The following CUX2 variants were observed in gnomAD, a reference collection of about 807,000 sequenced individuals.
CUX2 encodes cut like homeobox 2.
A neutral mutation model predicts 144.8 loss-of-function variants in CUX2; 40 were observed. The ratio of observed to expected loss-of-function variants is 0.28; its 90% confidence interval spans 0.21 to 0.36. The LOEUF is 0.36. Ranked by LOEUF, CUX2 falls within the 10% of genes least tolerant of loss-of-function variation. CUX2 has a pLI of 1.00. For missense variants in CUX2, 1,615 were observed against 1,994.0 expected, an observed-to-expected ratio of 0.81 and a Z score of 3.62; for synonymous variants, 827 against 875.6, an observed-to-expected ratio of 0.94 and a Z score of 0.98.
intron 1 of CUX2, among the ~76,000 whole-genome samples, chr12:111,165,794 T>C (rs907703229): frequency 6.6e-6 from 1 of 152,200 alleles, no homozygotes; most frequent in Non-Finnish European, 1.5e-5. Flanking sequence ...ATGTACACCA[T>C]GGAAATGGTA....
intron 1 of CUX2, among the ~76,000 whole-genome samples, chr12:111,075,088 C>T (rs1871453319): frequency 1.3e-5 from 2 of 151,946 alleles, no homozygotes; most frequent in Non-Finnish European, 1.5e-5. Context: ...CAGCCACCAC[C>T]CCCACCCCCC....
At chr12:111,183,539 A>G (rs1353375349) in intron 1 of CUX2, among the ~76,000 whole-genome samples, 2 of 152,234 alleles carry the variant, frequency 1.3e-5, no homozygotes, top group African/African-American at 2.4e-5. Context: ...TCGAGCCAGG[A>G]TAGCATGGGG....
intron 1 of CUX2, among the ~76,000 whole-genome samples, chr12:111,174,353 C>T (rs1263336111): frequency 2.0e-5 from 3 of 152,190 alleles, no homozygotes; most frequent in African/African-American, 7.2e-5. Flanking sequence ...TCCTGCTTTC[C>T]AGGAAGTTTT....
chr12:111,165,466 T>C (rs1314593735), intron 1 of CUX2, among the ~76,000 whole-genome samples: 1 of 152,208 alleles, frequency 6.6e-6, no homozygotes, highest in Admixed American at 6.5e-5. Flanking sequence ...AGACGGTCAG[T>C]GTTATTGTCT....
intron 1 of CUX2, among the ~76,000 whole-genome samples, chr12:111,063,547 A>G (rs1870885233): frequency 6.6e-6 from 1 of 152,180 alleles, no homozygotes; most frequent in Admixed American, 6.5e-5. Flanking sequence ...GGTTGGCCTC[A>G]TGGGGCCTGC....
At chr12:111,069,227 T>C (rs1871150224) in intron 1 of CUX2, among the ~76,000 whole-genome samples, 1 of 152,062 alleles carries the variant, frequency 6.6e-6, no homozygotes, top group Non-Finnish European at 1.5e-5. Flanking sequence ...TATGGGAAAA[T>C]TACTTCCTTA....
chr12:111,071,192 T>G (rs1207987502), intron 1 of CUX2, among the ~76,000 whole-genome samples: 1 of 151,832 alleles, frequency 6.6e-6, no homozygotes, highest in Non-Finnish European at 1.5e-5. Flanking sequence ...TTTAAGAAAC[T>G]GCCAAATTGT....
At chr12:111,192,512 C>G (rs909638709) in intron 1 of CUX2, among the ~76,000 whole-genome samples, 1 of 151,774 alleles carries the variant, frequency 6.6e-6, no homozygotes, top group African/African-American at 2.4e-5. Context: ...CCAGCTCATG[C>G]CTTTTTCCTG....
intron 8 of CUX2, among the ~76,000 whole-genome samples, chr12:111,297,053 CT>C (rs1886041264): frequency 6.7e-6 from 1 of 148,992 alleles, no homozygotes; most frequent in African/African-American, 2.5e-5. Flanking sequence ...CCCTCTGACC[CT>C]TCCAGACAGG....
At chr12:111,130,389 C>T (rs1652535233) in intron 1 of CUX2, among the ~76,000 whole-genome samples, 1 of 152,222 alleles carries the variant, frequency 6.6e-6, no homozygotes, top group Non-Finnish European at 1.5e-5. Context: ...TAATTAATGT[C>T]ATATAGGTCT....
At chr12:111,242,836 A>G (rs556704375) in intron 3 of CUX2, among the ~76,000 whole-genome samples, 2 of 152,144 alleles carry the variant, frequency 1.3e-5, no homozygotes, top group African/African-American at 4.8e-5. Context: ...TTTTTCTCCT[A>G]ATGCTATCCT....
At chr12:111,242,119 A>G (rs1203618148) in intron 3 of CUX2, among the ~76,000 whole-genome samples, 2 of 152,250 alleles carry the variant, frequency 1.3e-5, no homozygotes, top group African/African-American at 2.4e-5. Flanking sequence ...CAGATCAATA[A>G]CAGTATCACC....
At chr12:111,242,380 C>T (rs1218971195) in intron 3 of CUX2, among the ~76,000 whole-genome samples, 6 of 152,230 alleles carry the variant, frequency 3.9e-5, no homozygotes, top group African/African-American at 7.2e-5. Context: ...CATGCACATT[C>T]GTTCACATAT....
chr12:111,340,312 G>A (rs951634128), intron 20 of CUX2, among the ~76,000 whole-genome samples: 6 of 152,140 alleles, frequency 3.9e-5, no homozygotes, highest in African/African-American at 1.4e-4. Context: ...TCATGATCTG[G>A]GGTCAAGATG....
chr12:111,195,631 T>A (rs548965160), intron 1 of CUX2, among the ~76,000 whole-genome samples: 107 of 152,314 alleles, frequency 7.0e-4, no homozygotes, highest in African/African-American at 2.4e-3. Flanking sequence ...GGAAGCGCCT[T>A]CCCTGAGCCC....
chr12:111,154,624 G>A (rs979369549), intron 1 of CUX2, among the ~76,000 whole-genome samples: 1 of 152,194 alleles, frequency 6.6e-6, no homozygotes. Flanking sequence ...TGGCCAAGAC[G>A]GGGAGATGCA....
intron 5 of CUX2, among the ~76,000 whole-genome samples, chr12:111,292,352 GA>G (rs35236844): frequency 0.21 from 32,353 of 152,038 alleles, 4,654 homozygotes; most frequent in East Asian, 0.63. Context: ...AGCACTTTGG[GA>G]GGCCAAGGCG....
intron 1 of CUX2, among the ~76,000 whole-genome samples, chr12:111,085,768 A>G (rs926246464): frequency 6.6e-6 from 1 of 152,082 alleles, no homozygotes; most frequent in South Asian, 2.1e-4. Flanking sequence ...GTAATTGGGT[A>G]TTGGGTTGTT....
chr12:111,068,249 T>C lies in CUX2; in HGVS notation c.63+34009T>C, dbSNP rs976074262. On this transcript the variant is annotated intron_variant, in intron 1 of 21. Transcript: ENST00000261726. This position sits in a 1 kb window ranked among gnomAD's most constrained non-coding sequence, Gnocchi z 4.9. The stretch of plus-strand genomic sequence containing the variant: ...CCACTTTTTCTAATTTTGCCGGAGT[T>C]GCCCTCCCCACTTTCCCTCTTCCTT... Among the ~76,000 whole-genome samples, 4 of 152,360 alleles carry C rather than the reference T, an allele frequency of 2.6e-5. No individual in the cohort carries two copies. The highest frequency in any genetic ancestry group is 4.8e-5 in the African/African-American group (2 of 41,580).
Sources: allele counts gnomAD v4.1 joint callset (sites outside exome capture counted in the v4.1 genomes callset), GRCh38; gene constraint gnomAD v4.1.1; non-coding constraint Gnocchi (gnomAD v3.1); transcripts MANE v1.5; gene names NCBI Gene and HGNC (gene_info 2026-07-23, HGNC 2026-07-21).